Variants in HERC3 observed in about 807,000 individuals in gnomAD.
The protein encoded by HERC3 is probable E3 ubiquitin-protein ligase HERC3.
Under a neutral mutation model 129.9 loss-of-function variants are expected in HERC3, and 58 were observed. The ratio of observed to expected loss-of-function variants is 0.45; its 90% confidence interval spans 0.36 to 0.56. HERC3 has a LOEUF of 0.56. Ranked by LOEUF, HERC3 falls within the 20% of genes least tolerant of loss-of-function variation. The probability of loss-of-function intolerance (pLI) is 0.00; values close to 1 mark genes in which losing one functional copy is unlikely to be tolerated. For missense variants in HERC3, 835 were observed against 1,244.2 expected (o/e 0.67, Z 4.95); for synonymous variants, 430 against 451.0 (o/e 0.95, Z 0.59).
intron 3 of HERC3, among the ~76,000 whole-genome samples, chr4:88,613,562 A>G (rs548259534): frequency 6.6e-6 from 1 of 152,344 alleles, no homozygotes; most frequent in South Asian, 2.1e-4. Context: ...GCTCTCGGGC[A>G]TCTGAAGGGC....
chr4:88,645,350 T>A (rs2149262797), intron 3 of HERC3, among the ~76,000 whole-genome samples: 1 of 152,274 alleles, frequency 6.6e-6, no homozygotes, highest in East Asian at 1.9e-4. Context: ...AAAAGTATAA[T>A]TGTAGAGTTG....
intron 2 of HERC3, among the ~76,000 whole-genome samples, chr4:88,596,472 G>A (rs1206113133): frequency 6.6e-6 from 1 of 152,150 alleles, no homozygotes; most frequent in African/African-American, 2.4e-5. Flanking sequence ...TAAGAATGGG[G>A]GTCAGTTCAC....
chr4:88,627,802 G>A (rs1446665626), intron 3 of HERC3, among the ~76,000 whole-genome samples: 2 of 151,752 alleles, frequency 1.3e-5, no homozygotes, highest in Admixed American at 6.6e-5. Context: ...TACTTGGGAG[G>A]CTGAGGCTGG....
the HERC3 span, among the ~76,000 whole-genome samples, chr4:88,551,763 A>G: frequency 6.6e-6 from 1 of 152,078 alleles, no homozygotes; most frequent in South Asian, 2.1e-4. Flanking sequence ...ATACCATTTG[A>G]CCCAGCCATC....
chr4:88,619,510 A>G (rs1232438895), intron 3 of HERC3, among the ~76,000 whole-genome samples: 1 of 152,216 alleles, frequency 6.6e-6, no homozygotes, highest in Non-Finnish European at 1.5e-5. Context: ...GAATGTAAAA[A>G]GTAAAACTAT....
intron 10 of HERC3, among the ~76,000 whole-genome samples, chr4:88,660,503 C>T (rs78232283): frequency 0.082 from 12,419 of 152,164 alleles, 722 homozygotes; most frequent in South Asian, 0.23. Context: ...CACGCCCGGC[C>T]ATAGCCTCTA....
chr4:88,530,238 C>T, the HERC3 span, among the ~76,000 whole-genome samples: 4 of 151,294 alleles, frequency 2.6e-5, no homozygotes, highest in Non-Finnish European at 4.4e-5. Flanking sequence ...TGCAGTGAGC[C>T]AAGATCGTGC....
At chr4:88,590,695 G>A (rs1380616516), upstream of HERC3, among the ~76,000 whole-genome samples, 1 of 152,196 alleles carries the variant, frequency 6.6e-6, no homozygotes, top group Non-Finnish European at 1.5e-5. Context: ...TTTCTCCTTT[G>A]CAAGTACCGG....
chr4:88,683,730 C>A (rs1733072805), intron 21 of HERC3, among the ~76,000 whole-genome samples: 1 of 152,154 alleles, frequency 6.6e-6, no homozygotes, highest in Non-Finnish European at 1.5e-5. Context: ...ACATATTCTT[C>A]TTTTAAGAGT....
intron 10 of HERC3, among the ~76,000 whole-genome samples, chr4:88,659,125 G>A (rs1730221753): frequency 6.6e-6 from 1 of 152,158 alleles, no homozygotes; most frequent in Admixed American, 6.6e-5. Context: ...AAACTCCACA[G>A]ATTTGTTGTC....
intron 23 of HERC3, among the ~76,000 whole-genome samples, chr4:88,698,848 C>G (rs1403439386): frequency 6.7e-6 from 1 of 148,676 alleles, no homozygotes; most frequent in Admixed American, 6.7e-5. Context: ...ACCTTCCCCC[C>G]GCCGCACTGT....
At chr4:88,625,272 A>G (rs150608279) in intron 3 of HERC3, among the ~76,000 whole-genome samples, 6 of 152,266 alleles carry the variant, frequency 3.9e-5, no homozygotes, top group African/African-American at 1.4e-4. Context: ...GAATCTGTGG[A>G]TCAATTTGGG....
intron 3 of HERC3, among the ~76,000 whole-genome samples, chr4:88,626,088 G>T (rs1028303951): frequency 6.6e-6 from 1 of 152,146 alleles, no homozygotes; most frequent in Non-Finnish European, 1.5e-5. Context: ...CAGTTTTCTT[G>T]TAGTGTCTTT....
At chr4:88,645,305 A>G (rs1243091015) in intron 3 of HERC3, among the ~76,000 whole-genome samples, 2 of 152,200 alleles carry the variant, frequency 1.3e-5, no homozygotes, top group Admixed American at 6.5e-5. Context: ...TGGGTTTCCT[A>G]CAATATGTCT....
the HERC3 span, among the ~76,000 whole-genome samples, chr4:88,560,574 A>G: frequency 1.3e-5 from 2 of 152,154 alleles, no homozygotes; most frequent in African/African-American, 4.8e-5. Context: ...TGCTGTGCAG[A>G]AACTTTTTAG....
In HERC3 at chr4:88,697,675, A is replaced by C. The variant is rs1038146838; in HGVS notation, c.2658-6423A>C. The C allele has an allele frequency of 6.2e-6, 10 of 1,612,642 alleles. No individual in the cohort carries two copies. In the African/African-American group the frequency reaches 1.2e-4, roughly 19 times the overall value. On this transcript the variant is annotated intron_variant, in intron 23 of 25. Transcript: ENST00000402738. ...TCCACCCTGCGCACCGCCTTCCGCC[A>C]TTACCTCCTCTGCCGCTGCCTCCGC...
the HERC3 span, among the ~76,000 whole-genome samples, chr4:88,572,642 C>T: frequency 6.7e-6 from 1 of 148,862 alleles, no homozygotes; most frequent in African/African-American, 2.5e-5. Context: ...AAACCCGTCT[C>T]TACTAAAATA....
chr4:88,627,624 C>T (rs1012459077), intron 3 of HERC3, among the ~76,000 whole-genome samples: 49 of 152,008 alleles, frequency 3.2e-4, no homozygotes, highest in African/African-American at 9.9e-4. Context: ...ATTTAGTGGC[C>T]GGGCATGGTG....
At chr4:88,687,044 T>C (rs1733553509) in intron 22 of HERC3, among the ~76,000 whole-genome samples, 173 bp from the exon 23 acceptor site, 1 of 152,228 alleles carries the variant, frequency 6.6e-6, no homozygotes, top group African/African-American at 2.4e-5. Context: ...AAACAAAAGA[T>C]GTTTTTTAAC....
Sources: gnomAD v4.1 joint callset for allele counts (sites outside exome capture counted in the v4.1 genomes callset) on GRCh38, gnomAD v4.1.1 for gene constraint, MANE v1.5 for transcripts, NCBI Gene and HGNC (gene_info 2026-07-23, HGNC 2026-07-21) for gene names.